Variants in FAM184B observed in about 807,000 individuals in gnomAD.
FAM184B encodes the protein protein FAM184B.
Under a neutral mutation model 135.9 loss-of-function variants are expected in FAM184B, and 111 were observed. That is an observed-to-expected ratio of 0.82 (90% CI 0.70 to 0.96). The LOEUF (loss-of-function observed/expected upper bound fraction) is 0.96. Among genes scored for constraint, FAM184B ranks in the 40% least tolerant of loss-of-function variants. The probability of loss-of-function intolerance (pLI) is 0.00; values close to 1 mark genes in which losing one functional copy is unlikely to be tolerated. For synonymous variants in FAM184B, 552 were observed against 524.8 expected, an observed-to-expected ratio of 1.05 and a Z score of -0.71; for missense variants, 1,375 against 1,323.9, an observed-to-expected ratio of 1.04 and a Z score of -0.60.
At chr4:17,690,651 G>A (rs1432512020) in intron 6 of FAM184B, among the ~76,000 whole-genome samples, 1 of 152,214 alleles carries the variant, frequency 6.6e-6, no homozygotes, top group African/African-American at 2.4e-5. Context: ...GATATTTCAA[G>A]ATTATAAAAC....
chr4:17,741,765 A>G (rs950045373), intron 1 of FAM184B, among the ~76,000 whole-genome samples: 3 of 152,108 alleles, frequency 2.0e-5, no homozygotes, highest in Non-Finnish European at 2.9e-5. Flanking sequence ...CCCGGAGGAC[A>G]CTCTCCTGGG....
At chr4:17,776,537 C>T (rs1003555292) in intron 1 of FAM184B, among the ~76,000 whole-genome samples, 4 of 151,988 alleles carry the variant, frequency 2.6e-5, no homozygotes, top group Non-Finnish European at 5.9e-5. Context: ...TACAGGTATG[C>T]ACCACCATGC....
intron 1 of FAM184B, among the ~76,000 whole-genome samples, chr4:17,727,516 T>G (rs1717667842): frequency 6.6e-6 from 1 of 152,234 alleles, no homozygotes; most frequent in Non-Finnish European, 1.5e-5. Context: ...CAGTTCCACA[T>G]GGCTGGGGAG....
chr4:17,634,847 A>G (rs1335959542), intron 16 of FAM184B, among the ~76,000 whole-genome samples, 162 bp downstream of exon 16: 2 of 151,636 alleles, frequency 1.3e-5, no homozygotes, highest in African/African-American at 4.8e-5. Context: ...AATAAAAATC[A>G]CACATAATCC....
intron 1 of FAM184B, among the ~76,000 whole-genome samples, chr4:17,748,505 ATT>A (rs34998803): frequency 0.017 from 1,666 of 98,388 alleles, 37 homozygotes; most frequent in African/African-American, 0.065. Context: ...CTCTTGTGTA[ATT>A]TTTTTTTTTT....
intron 1 of FAM184B, among the ~76,000 whole-genome samples, chr4:17,724,894 C>G (rs138933260): frequency 2.6e-4 from 39 of 152,304 alleles, no homozygotes; most frequent in African/African-American, 8.4e-4. Context: ...AATTCTCTCC[C>G]TGGCCTGGCT....
At chr4:17,746,836 G>A (rs1404258680) in intron 1 of FAM184B, among the ~76,000 whole-genome samples, 1 of 151,706 alleles carries the variant, frequency 6.6e-6, no homozygotes, top group Non-Finnish European at 1.5e-5. Context: ...TCAGGAGTTC[G>A]AGACCAGCCT....
rs79946907 is a variant in FAM184B, at chr4:17,635,785, G to A, written c.2785-672C>T. On this transcript the variant is annotated intron_variant, in intron 15 of 17. Transcript: ENST00000265018. ...ACAGAGAGATACAGAAGTGAGGCAG[G>A]TGAGCAGGAGCAGAAATGACCAGCA... Among the ~76,000 whole-genome samples the A allele has an allele frequency of 1.5e-3, 229 of 152,272 alleles. 8 individuals are homozygous for A. The East Asian group carries it at 0.04, about 26-fold the overall frequency.
chr4:17,698,397 T>C (rs1716912393), intron 5 of FAM184B, among the ~76,000 whole-genome samples: 1 of 139,354 alleles, frequency 7.2e-6, no homozygotes, highest in Non-Finnish European at 1.5e-5. Flanking sequence ...GGAAAAGAGA[T>C]GTAAAAGTGC....
chr4:17,730,364 T>C (rs1348750829), intron 1 of FAM184B, among the ~76,000 whole-genome samples: 1 of 152,058 alleles, frequency 6.6e-6, no homozygotes, highest in African/African-American at 2.4e-5. Flanking sequence ...CAGGAGAACT[T>C]CCCCAATCTA....
At chr4:17,778,587 C>A (rs1009754359) in intron 1 of FAM184B, among the ~76,000 whole-genome samples, 3 of 152,146 alleles carry the variant, frequency 2.0e-5, no homozygotes, top group Non-Finnish European at 4.4e-5. Flanking sequence ...AGATTGAATG[C>A]GGTGGCACAT....
At chr4:17,770,305 G>A (rs994961155) in intron 1 of FAM184B, among the ~76,000 whole-genome samples, 19 of 152,336 alleles carry the variant, frequency 1.2e-4, no homozygotes, top group African/African-American at 4.1e-4. Flanking sequence ...AGGCCAGTGC[G>A]GGCGTCATAG....
chr4:17,654,047 G>A (rs1182912030), intron 10 of FAM184B, among the ~76,000 whole-genome samples: 5 of 151,836 alleles, frequency 3.3e-5, no homozygotes, highest in Non-Finnish European at 7.4e-5. Context: ...CTCCTCTGGA[G>A]TCTTTAGAAG....
intron 1 of FAM184B, among the ~76,000 whole-genome samples, chr4:17,721,405 AAT>A (rs1717525779): frequency 6.7e-6 from 1 of 149,614 alleles, no homozygotes; most frequent in African/African-American, 2.5e-5. Context: ...AAAAAAAAAA[AAT>A]CTCTTTGCCC....
At chr4:17,688,782 C>T (rs2108956451) in intron 6 of FAM184B, among the ~76,000 whole-genome samples, 1 of 150,584 alleles carries the variant, frequency 6.6e-6, no homozygotes, top group African/African-American at 2.4e-5. Flanking sequence ...ACCTCCACCT[C>T]CCGGGTTCAA....
At chr4:17,680,283 C>T (rs1038443718) in intron 7 of FAM184B, among the ~76,000 whole-genome samples, 3 of 152,084 alleles carry the variant, frequency 2.0e-5, no homozygotes, top group Non-Finnish European at 2.9e-5. Flanking sequence ...AAAGCTTTTT[C>T]ACAGATCTTT....
chr4:17,724,485 T>A lies in FAM184B; in HGVS notation c.142-14841A>T, dbSNP rs115116630. 3.3e-3 allele frequency among the ~76,000 whole-genome samples: 498 copies of A among 152,314 alleles called. 2 individuals carry two copies. Among genetic ancestry groups the A allele is most frequent in the African/African-American group, 0.011 (461 of 41,578 alleles). The stretch of plus-strand genomic sequence containing the variant: ...GGGATTTGGCTCTGGCTGTGCCATG[T>A]CCACCTGGCTGGTGAGAAACCAAAA... On this transcript the variant is annotated intron_variant, in intron 1 of 17. Coordinates refer to ENST00000265018, the MANE Select transcript of FAM184B (RefSeq NM_015688.2).
chr4:17,706,335 A>C (rs957026095), intron 3 of FAM184B, among the ~76,000 whole-genome samples: 1 of 152,172 alleles, frequency 6.6e-6, no homozygotes, highest in Non-Finnish European at 1.5e-5. Context: ...TGGTTCCTGC[A>C]GAACCAGTAC....
In FAM184B at chr4:17,631,645, C is replaced by T. The variant is rs896697099; in HGVS notation, c.*887G>A. ...GTTATCTTGCTTAATCCTTGCAAAG[C>T]CCTTTTAGAGGTGGGTGTTATCCCA... On this transcript the variant is annotated 3_prime_UTR_variant, in exon 18 of 18. Coordinates refer to ENST00000265018, the MANE Select transcript of FAM184B (RefSeq NM_015688.2). 2.0e-5 allele frequency: 3 copies of T among 152,146 alleles called. No individual in the cohort carries two copies. The highest frequency in any genetic ancestry group is 7.2e-5 in the African/African-American group (3 of 41,434). The allele number at this position is 152,146 out of a possible 1,614,324, so 9.4% of individuals were successfully genotyped here.
Sources: allele counts gnomAD v4.1 joint callset (sites outside exome capture counted in the v4.1 genomes callset), GRCh38; gene constraint gnomAD v4.1.1; transcripts MANE v1.5; gene names NCBI Gene and HGNC (gene_info 2026-07-23, HGNC 2026-07-21).